ASB15: variants seen among roughly 807,000 people sequenced by gnomAD.
The protein encoded by ASB15 is ankyrin repeat and SOCS box containing 15.
A neutral mutation model predicts 58.0 loss-of-function variants in ASB15; 54 were observed. The observed-to-expected ratio is 0.93, with a 90% CI of 0.75 to 1.17. ASB15 has a LOEUF of 1.17. Ranked by LOEUF, ASB15 falls within the 50% of genes most tolerant of loss-of-function variation. The pLI is 0.00. For synonymous variants in ASB15, 249 were observed against 262.4 expected (o/e 0.95, Z 0.50); for missense variants, 680 against 707.4 (o/e 0.96, Z 0.44).
rs1190291795 is a variant in ASB15 at position 123,629,001 on chromosome 7, C to G, written c.1007C>G (p.Thr336Ser). ...LLIENGFDVN[T>S]LLADHISQSY... ...ATTGAAAATGGTTTTGATGTCAACA[C>G]TCTACTTGCTGACCACATTTCCCAG... Residue 336 changes from threonine to serine, a missense_variant, in exon 10 of 12, where the codon ACT becomes AGT. Transcript: ENST00000451215. The G allele has an allele frequency of 3.1e-6, 5 of 1,613,714 alleles. No individual in the cohort carries two copies.
At chr7:123,590,595 T>G (rs1799507299) in intron 1 of ASB15, among the ~76,000 whole-genome samples, 1 of 152,222 alleles carries the variant, frequency 6.6e-6, no homozygotes, top group African/African-American at 2.4e-5. Context: ...CCCCATTTCT[T>G]GTTTTTGTCA....
intron 4 of ASB15, among the ~76,000 whole-genome samples, chr7:123,615,121 T>C (rs780978970): frequency 6.6e-6 from 1 of 152,140 alleles, no homozygotes; most frequent in Non-Finnish European, 1.5e-5. Context: ...TTTTATTCTA[T>C]ATGGCAAAGT....
chr7:123,593,386 G>T (rs1165505654), intron 1 of ASB15, among the ~76,000 whole-genome samples: 1 of 151,682 alleles, frequency 6.6e-6, no homozygotes, highest in Non-Finnish European at 1.5e-5. Flanking sequence ...TTATAATTTG[G>T]CATGTTTTTG....
chr7:123,631,891 A>T (rs1470787375), intron 11 of ASB15, among the ~76,000 whole-genome samples: 2 of 152,122 alleles, frequency 1.3e-5, no homozygotes, highest in African/African-American at 4.8e-5. Flanking sequence ...ACCCTGGCTA[A>T]CAAGGTGAAA....
intron 4 of ASB15, 27 bp downstream of exon 4, chr7:123,614,636 C>A (rs775374608): frequency 7.1e-7 from 1 of 1,415,206 alleles, no homozygotes; most frequent in Non-Finnish European, 1.0e-6. Context: ...CTATCCTCAG[C>A]AAAATTTCTT....
chr7:123,598,512 G>GA (rs1321014320), upstream of ASB15, among the ~76,000 whole-genome samples: 2 of 150,372 alleles, frequency 1.3e-5, no homozygotes, highest in African/African-American at 4.9e-5. Context: ...GGAAAAACAA[G>GA]AAAAAAAAAG....
chr7:123,571,773 A>G (rs969740818), intron 1 of ASB15, among the ~76,000 whole-genome samples: 1 of 152,200 alleles, frequency 6.6e-6, no homozygotes, highest in African/African-American at 2.4e-5. Context: ...AGTTGATAAT[A>G]TAGTCCCACT....
At chr7:123,607,947 C>T (rs1800229582) in intron 2 of ASB15, among the ~76,000 whole-genome samples, 1 of 152,124 alleles carries the variant, frequency 6.6e-6, no homozygotes, top group African/African-American at 2.4e-5. Flanking sequence ...CCCCTAGAAA[C>T]CTGTGAGTTT....
At chr7:123,625,007 C>A in intron 8 of ASB15, 193 bp downstream of exon 8, 1 of 626,738 alleles carries the variant, frequency 1.6e-6, no homozygotes, top group Non-Finnish European at 2.7e-6. Context: ...AAGCCCTATA[C>A]ATTGTGACCT....
chr7:123,618,701 A>G (rs1411189388), intron 7 of ASB15, among the ~76,000 whole-genome samples: 1 of 152,146 alleles, frequency 6.6e-6, no homozygotes, highest in Non-Finnish European at 1.5e-5. Context: ...AAAGGTCATA[A>G]CTAGTTAAGA....
At chr7:123,630,833 C>T (rs1239130708) in intron 11 of ASB15, among the ~76,000 whole-genome samples, 2 of 152,142 alleles carry the variant, frequency 1.3e-5, no homozygotes, top group East Asian at 1.9e-4. Context: ...TTTTATATGA[C>T]ATTTAAATAA....
At chr7:123,620,494 A>T (rs1231152423) in intron 7 of ASB15, among the ~76,000 whole-genome samples, 1 of 100,264 alleles carries the variant, frequency 1.0e-5, no homozygotes, top group Non-Finnish European at 1.9e-5. Context: ...TAGTAATGTG[A>T]CACATATACA....
intron 1 of ASB15, among the ~76,000 whole-genome samples, chr7:123,602,825 T>A (rs12535741): frequency 0.21 from 32,680 of 152,098 alleles, 3,710 homozygotes; most frequent in East Asian, 0.4. Context: ...TCAAAGTAGC[T>A]GAGTCATAGT....
Position 123,627,108 on chromosome 7 carries a change from A to G in ASB15, c.698-2A>G. ...TCATTATGCCACGTTTTATACTGCC[A>G]GGTGGTGATGTGCTTGCTTTGGCGG... On this transcript the variant is annotated splice_acceptor_variant, in intron 8 of 11. Coordinates refer to ENST00000451215, the MANE Select transcript of ASB15 (RefSeq NM_001290258.2). LOFTEE classifies it high-confidence loss of function. 3 of 1,611,836 alleles carry G rather than the reference A, an allele frequency of 1.9e-6. No individual in the cohort carries two copies. Among genetic ancestry groups the G allele is most frequent in the Non-Finnish European group, 2.5e-6 (3 of 1,178,606 alleles).
intron 2 of ASB15, among the ~76,000 whole-genome samples, chr7:123,604,767 A>C (rs964966779): frequency 1.3e-5 from 2 of 152,026 alleles, no homozygotes; most frequent in African/African-American, 4.8e-5. Context: ...AAGGAGGGAG[A>C]AGAAAATAAA....
At chr7:123,631,682 A>G (rs556246734) in intron 11 of ASB15, among the ~76,000 whole-genome samples, 196 of 152,306 alleles carry the variant, frequency 1.3e-3, no homozygotes, top group African/African-American at 4.4e-3. Context: ...CCATATTTTG[A>G]GTCATTGCAA....
intron 7 of ASB15, among the ~76,000 whole-genome samples, chr7:123,620,529 TATATATATATATATATATATATA>T (rs1801200662): frequency 2.6e-4 from 6 of 23,260 alleles, no homozygotes; most frequent in Admixed American, 4.4e-4. Context: ...TATATATATA[TATATATATATATATATATATATA>T]TATTTTTTTT....
intron 7 of ASB15, among the ~76,000 whole-genome samples, chr7:123,623,967 GAAAGAAA>G (rs1801576608): frequency 6.9e-6 from 1 of 144,440 alleles, no homozygotes; most frequent in African/African-American, 2.6e-5. Flanking sequence ...AAGAAAGAAA[GAAAGAAA>G]GAAAGAAAGA....
At chr7:123,605,311 C>T (rs6466873) in intron 2 of ASB15, among the ~76,000 whole-genome samples, 44,815 of 151,946 alleles carry the variant, frequency 0.29, 6,757 homozygotes, top group East Asian at 0.4. Flanking sequence ...ACACACCAGT[C>T]AGAATGGCTA....
Sources: gnomAD v4.1 joint callset for allele counts (sites outside exome capture counted in the v4.1 genomes callset) on GRCh38, gnomAD v4.1.1 for gene constraint, MANE v1.5 for transcripts, NCBI Gene and HGNC (gene_info 2026-07-23, HGNC 2026-07-21) for gene names.